Variants in ZNF714 observed in about 807,000 individuals in gnomAD.
ZNF714 encodes the protein zinc finger protein 714.
Under a neutral mutation model 46.2 loss-of-function variants are expected in ZNF714, and 32 were observed. The observed-to-expected ratio is 0.69, with a 90% CI of 0.52 to 0.93. The LOEUF (loss-of-function observed/expected upper bound fraction) is 0.93. Among genes scored for constraint, ZNF714 ranks in the 40% least tolerant of loss-of-function variants. The pLI, the probability that ZNF714 is intolerant of heterozygous loss-of-function variation, is 0.00. For missense variants in ZNF714, 635 were observed against 646.3 expected (o/e 0.98, Z 0.19); for synonymous variants, 199 against 213.1 (o/e 0.93, Z 0.58).
intron 4 of ZNF714, among the ~76,000 whole-genome samples, chr19:21,104,680 A>G (rs529983375): frequency 3.3e-5 from 5 of 151,914 alleles, no homozygotes; most frequent in African/African-American, 1.2e-4. Flanking sequence ...CAATGGTGCA[A>G]TGGCTCACTG....
chr19:21,090,379 A>G (rs1968881642), intron 2 of ZNF714, among the ~76,000 whole-genome samples: 1 of 152,136 alleles, frequency 6.6e-6, no homozygotes, highest in African/African-American at 2.4e-5. Flanking sequence ...TCCTTTTTGG[A>G]GAAGAAAAAT....
intron 1 of ZNF714, among the ~76,000 whole-genome samples, chr19:21,083,325 C>T (rs769933693): frequency 2.0e-4 from 30 of 152,268 alleles, no homozygotes; most frequent in Non-Finnish European, 3.4e-4. Context: ...CGTGAGCCAC[C>T]GCGCCCAGCC....
At chr19:21,082,945 G>T (rs1004792572) in intron 1 of ZNF714, among the ~76,000 whole-genome samples, 9 of 152,074 alleles carry the variant, frequency 5.9e-5, no homozygotes, top group Admixed American at 6.5e-5. Context: ...AAATTTCCTG[G>T]TTATGTAATT....
chr19:21,091,519 C>G lies in ZNF714; in HGVS notation c.-84-6666C>G, dbSNP rs576714681. On this transcript the variant is annotated intron_variant, in intron 2 of 4. Coordinates refer to ENST00000456283, the MANE Select transcript of ZNF714 (RefSeq NM_182515.4). The stretch of plus-strand genomic sequence containing the variant: ...TGGTTCAATACGCCTCTGACAGAAT[C>G]TGTGTCTGGCTATGTGATAAATAAG... 7.2e-5 allele frequency: 11 copies of G among 152,258 alleles called. No individual in the cohort carries two copies. The South Asian group carries it at 2.3e-3, about 32-fold the overall frequency. The allele number at this position is 152,258 out of a possible 1,614,324, so 9.4% of individuals were successfully genotyped here.
intron 4 of ZNF714, among the ~76,000 whole-genome samples, chr19:21,100,697 A>G (rs1252031998): frequency 6.6e-6 from 1 of 152,014 alleles, no homozygotes; most frequent in Non-Finnish European, 1.5e-5. Flanking sequence ...TACTGACTGT[A>G]TTTATTAGTT....
rs1229753913 is a variant in ZNF714, at chr19:21,084,039, GA to G, written c.-113del. The G allele has an allele frequency of 8.1e-7, 1 of 1,228,550 alleles. No homozygotes were observed. Among genetic ancestry groups the G allele is most frequent in the Non-Finnish European group, 1.0e-6 (1 of 963,736 alleles). The allele number at this position is 1,228,550 out of a possible 1,614,324, so 76.1% of individuals were successfully genotyped here. On this transcript the variant is annotated 5_prime_UTR_variant, in exon 2 of 5. It removes the in-frame stop codon of an upstream open reading frame in the 5' UTR. Transcript: ENST00000456283. The stretch of plus-strand genomic sequence containing the variant: ...GCAAGTGGATCCCTGGGGCAGAGAG[GA>G]AGCTTCTAGTGTACTCTTACTTTGA...
intron 4 of ZNF714, chr19:21,113,360 GT>G (rs1969507753): frequency 2.1e-4 from 1 of 4,654 alleles, no homozygotes; most frequent in Non-Finnish European, 1.5e-3. Flanking sequence ...TTTTGTTTTT[GT>G]TTGTTTGTTT....
chr19:21,090,038 T>TA (rs1223037392), intron 2 of ZNF714, among the ~76,000 whole-genome samples: 1 of 152,208 alleles, frequency 6.6e-6, no homozygotes, highest in Non-Finnish European at 1.5e-5. Flanking sequence ...CATAGCAAAA[T>TA]ATGTGTGACA....
chr19:21,109,524 T>C (rs957565627), intron 4 of ZNF714: 2 of 217,904 alleles, frequency 9.2e-6, no homozygotes, highest in African/African-American at 4.7e-5. Context: ...TTAATTAATT[T>C]ATATTTAAAA....
At chr19:21,092,043 T>C (rs933531377) in intron 2 of ZNF714, among the ~76,000 whole-genome samples, 6 of 152,114 alleles carry the variant, frequency 3.9e-5, no homozygotes, top group African/African-American at 1.4e-4. Context: ...AAGAAAGATA[T>C]CACAGAGGCC....
rs112183225 is a variant in ZNF714 at position 21,087,767 on chromosome 19, A to G, written c.-85+3698A>G. Among the ~76,000 whole-genome samples the G allele has an allele frequency of 2.1e-3, 320 of 152,336 alleles. 1 individual carries two copies. Among genetic ancestry groups the G allele is most frequent in the African/African-American group, 7.1e-3 (295 of 41,582 alleles). On this transcript the variant is annotated intron_variant, in intron 2 of 4. Transcript: ENST00000456283. ...TCTTTCACAATTTGTTTAAACCTTC[A>G]GTTTTATTCTAATTTAAAACAATCC... is the stretch of plus-strand genomic sequence containing the variant.
chr19:21,106,308 G>C (rs898459018), intron 4 of ZNF714, among the ~76,000 whole-genome samples: 1 of 151,568 alleles, frequency 6.6e-6, no homozygotes, highest in Non-Finnish European at 1.5e-5. Flanking sequence ...GGTGGCTCAC[G>C]CTTGTAATCC....
intron 2 of ZNF714, among the ~76,000 whole-genome samples, 187 bp downstream of exon 2, chr19:21,084,256 AACAAAAAAC>A (rs1334625444): frequency 1.3e-5 from 2 of 152,034 alleles, no homozygotes; most frequent in African/African-American, 4.8e-5. Flanking sequence ...CAAGCAAACA[AACAAAAAAC>A]ACAAAAAACC....
chr19:21,095,609 C>T (rs1366649985), intron 2 of ZNF714, among the ~76,000 whole-genome samples: 2 of 151,918 alleles, frequency 1.3e-5, no homozygotes, highest in African/African-American at 4.8e-5. Context: ...ACTACAGGCG[C>T]CCGCCACGAC....
chr19:21,102,569 TA>T (rs1969206718), intron 4 of ZNF714, among the ~76,000 whole-genome samples: 2 of 152,252 alleles, frequency 1.3e-5, no homozygotes, highest in Admixed American at 1.3e-4. Context: ...AGCATATATT[TA>T]AAACATAAAA....
Position 21,123,299 on chromosome 19 carries a change from G to GA in ZNF714, c.*4970dup. 6.6e-6 allele frequency: 1 copy of GA among 151,940 alleles called. No homozygotes were observed. The highest frequency in any genetic ancestry group is 1.5e-5 in the Non-Finnish European group (1 of 67,990). The allele number at this position is 151,940 out of a possible 1,614,324, so 9.4% of individuals were successfully genotyped here. A position where few individuals can be genotyped will look rare whatever the true frequency, so the allele number is the denominator to read the frequency against. On this transcript the variant is annotated 3_prime_UTR_variant, in exon 5 of 5. Transcript: ENST00000456283. Reference sequence around the variant, plus strand: ...AATATAAAACTTGCTTGAAAATATGGAAATTAAATTTTTAAGAGAGTTAAT... The same window carrying GA: ...AATATAAAACTTGCTTGAAAATATGGAAAATTAAATTTTTAAGAGAGTTAAT...
intron 2 of ZNF714, among the ~76,000 whole-genome samples, chr19:21,085,593 G>A (rs555326638): frequency 3.9e-5 from 6 of 152,298 alleles, no homozygotes; most frequent in Admixed American, 1.3e-4. Flanking sequence ...ACTAAAGCTT[G>A]AGCCCAGTGT....
chr19:21,110,773 G>C (rs1222919765), intron 4 of ZNF714, among the ~76,000 whole-genome samples: 4 of 152,138 alleles, frequency 2.6e-5, no homozygotes, highest in Non-Finnish European at 5.9e-5. Flanking sequence ...ATAAGTGTAA[G>C]AAAGGGGGTC....
At chr19:21,104,250 T>G (rs563119725) in intron 4 of ZNF714, among the ~76,000 whole-genome samples, 2 of 152,356 alleles carry the variant, frequency 1.3e-5, no homozygotes, top group African/African-American at 4.8e-5. Flanking sequence ...TGATATTGGA[T>G]GTATATGTTA....
Sources: allele counts gnomAD v4.1 joint callset (sites outside exome capture counted in the v4.1 genomes callset), GRCh38; gene constraint gnomAD v4.1.1; transcripts MANE v1.5; gene names NCBI Gene and HGNC (gene_info 2026-07-23, HGNC 2026-07-21).